PIWIL4: variants seen among roughly 807,000 people sequenced by gnomAD.
The protein encoded by PIWIL4 is piwi like RNA-mediated gene silencing 4, also known as piwi-like protein 4.
Under a neutral mutation model 100.9 loss-of-function variants are expected in PIWIL4, and 50 were observed. The ratio of observed to expected loss-of-function variants is 0.50; its 90% confidence interval spans 0.39 to 0.63. PIWIL4 has a LOEUF of 0.63. Among genes scored for constraint, PIWIL4 ranks in the 20% least tolerant of loss-of-function variants. PIWIL4 has a pLI of 0.00. For synonymous variants in PIWIL4, 342 were observed against 367.5 expected (o/e 0.93, Z 0.79); for missense variants, 887 against 1,043.3 (o/e 0.85, Z 2.06).
chr11:94,598,113 G>A (rs969108790), intron 11 of PIWIL4, among the ~76,000 whole-genome samples, 198 bp downstream of exon 11: 2 of 152,078 alleles, frequency 1.3e-5, no homozygotes, highest in African/African-American at 2.4e-5. Flanking sequence ...GGCACCCAGT[G>A]GACATGATTT....
intron 2 of PIWIL4, among the ~76,000 whole-genome samples, chr11:94,570,166 C>G (rs1163500867): frequency 6.6e-6 from 1 of 152,152 alleles, no homozygotes; most frequent in Non-Finnish European, 1.5e-5. Context: ...ACATGCTACT[C>G]CAAGTCACCA....
At position 94,589,102 on chromosome 11, in the gene PIWIL4, G is replaced by T. The variant is rs769777036; in HGVS notation, c.915-19G>T. On this transcript the variant is annotated intron_variant, in intron 7 of 19. Transcript: ENST00000299001. ...TTAGATGATTAAAAAACAATTTAAA[G>T]ACTTTTTATATTTGGCAGATACAAT... 1.9e-6 allele frequency: 3 copies of T among 1,557,456 alleles called. No individual in the cohort carries two copies. The highest frequency in any genetic ancestry group is 3.4e-5 in the Admixed American group (2 of 59,222).
At position 94,621,310 on chromosome 11, in the gene PIWIL4, TGACA is replaced by T. The variant is rs1267042225; in HGVS notation, c.*321_*324del. Reference sequence around the variant, plus strand: ...AATAAGTGTTTGCGTGATATTTTGATGACAGATAAACAGAGTCTAATTCCCACCC... The same window carrying T: ...AATAAGTGTTTGCGTGATATTTTGATGATAAACAGAGTCTAATTCCCACCC... On this transcript the variant is annotated 3_prime_UTR_variant, in exon 20 of 20. Transcript: ENST00000299001. 1 of 249,186 alleles carries T rather than the reference TGACA, an allele frequency of 4.0e-6. No individual in the cohort carries two copies. Among genetic ancestry groups the T allele is most frequent in the Non-Finnish European group, 7.7e-6 (1 of 129,410 alleles). The allele number at this position is 249,186 out of a possible 1,614,324, so 15.4% of individuals were successfully genotyped here.
intron 16 of PIWIL4, chr11:94,617,712 C>A (rs957954152): frequency 2.3e-6 from 1 of 428,248 alleles, no homozygotes; most frequent in Non-Finnish European, 4.1e-6. Context: ...AAGAGATAGG[C>A]CAAGTTTAAG....
chr11:94,613,158 T>A (rs1247411312), intron 15 of PIWIL4, among the ~76,000 whole-genome samples: 1 of 152,240 alleles, frequency 6.6e-6, no homozygotes, highest in African/African-American at 2.4e-5. Flanking sequence ...CTAATGGTGA[T>A]GAACTTCCTC....
intron 16 of PIWIL4, among the ~76,000 whole-genome samples, chr11:94,617,038 G>A (rs1948855207): frequency 6.6e-6 from 1 of 152,192 alleles, no homozygotes; most frequent in African/African-American, 2.4e-5. Context: ...TAAGGTTTCT[G>A]TTTCTTCACC....
At chr11:94,620,399 T>C (rs1278885307) in intron 19 of PIWIL4, among the ~76,000 whole-genome samples, 4 of 152,236 alleles carry the variant, frequency 2.6e-5, no homozygotes, top group African/African-American at 4.8e-5. Flanking sequence ...ACGACTTTGT[T>C]ATATACATTA....
At chr11:94,606,538 A>C (rs976020166) in intron 13 of PIWIL4, among the ~76,000 whole-genome samples, 1 of 152,216 alleles carries the variant, frequency 6.6e-6, no homozygotes, top group Non-Finnish European at 1.5e-5. Flanking sequence ...TCTGATAAGA[A>C]GTAGGAGTAG....
chr11:94,596,819 A>T (rs1393837578), intron 10 of PIWIL4, among the ~76,000 whole-genome samples: 1 of 152,182 alleles, frequency 6.6e-6, no homozygotes, highest in Non-Finnish European at 1.5e-5. Flanking sequence ...GAAGCAAAAT[A>T]ATTAACTCAA....
At chr11:94,587,982 T>TATGTGCAGG (rs1442568689) in intron 7 of PIWIL4, among the ~76,000 whole-genome samples, 1 of 152,184 alleles carries the variant, frequency 6.6e-6, no homozygotes, top group Admixed American at 6.5e-5. Flanking sequence ...TTTTGGGATA[T>TATGTGCAGG]ATGTGCAGGA....
In PIWIL4 at chr11:94,595,325, A is replaced by G; in HGVS notation, c.1167A>G (p.Ala389=). ...ATTTAATAGGGCTGACTGACCAGGC[A>G]ACATCTGATTTCCAGCTGATGAAGG... The part of the protein sequence containing the change: ...LCFLTGLTDQ[A]TSDFQLMKAV... Residue 389 remains alanine (A), a synonymous_variant, in exon 10 of 20, where the codon GCA becomes GCG. Coordinates refer to ENST00000299001, the MANE Select transcript of PIWIL4 (RefSeq NM_152431.3). 1 of 1,613,848 alleles carries G rather than the reference A, an allele frequency of 6.2e-7. No homozygotes were observed. The highest frequency in any genetic ancestry group is 8.5e-7 in the Non-Finnish European group (1 of 1,179,754).
chr11:94,591,392 A>C (rs988739297), intron 8 of PIWIL4, among the ~76,000 whole-genome samples: 4 of 152,226 alleles, frequency 2.6e-5, no homozygotes, highest in Non-Finnish European at 5.9e-5. Context: ...ACACACGTAG[A>C]AGAGCAAGCT....
Position 94,583,436 on chromosome 11 carries a change from TC to T in PIWIL4, c.514-11del, listed in dbSNP as rs1257205717. On this transcript the variant is annotated splice_polypyrimidine_tract_variant and intron_variant, in intron 4 of 19. Transcript: ENST00000299001. ...ATTTGTAGGGTGCATATTAAGTACC[TC>T]TTTTTCCCAGGTCACAGAGTTGTCA... 1.2e-6 allele frequency: 2 copies of T among 1,613,040 alleles called. No homozygotes were observed. Among genetic ancestry groups the T allele is most frequent in the Admixed American group, 1.7e-5 (1 of 59,992 alleles).
At position 94,598,165 on chromosome 11, in the gene PIWIL4, A is replaced by G. The variant is rs559309536; in HGVS notation, c.1380+250A>G. 7.9e-5 allele frequency among the ~76,000 whole-genome samples: 12 copies of G among 152,330 alleles called. No homozygotes were observed. In the South Asian group the frequency reaches 2.5e-3, roughly 32 times the overall value. On this transcript the variant is annotated intron_variant, in intron 11 of 19. Transcript: ENST00000299001. Reference sequence around the variant, plus strand: ...AGTATTTCAAATCATTGCAATTAAAACATACCTATCTTCTGTTGGGTGGTG... The same window carrying G: ...AGTATTTCAAATCATTGCAATTAAAGCATACCTATCTTCTGTTGGGTGGTG...
At chr11:94,598,035 CT>C in intron 11 of PIWIL4, 120 bp downstream of exon 11, 1 of 701,928 alleles carries the variant, frequency 1.4e-6, no homozygotes, top group Non-Finnish European at 2.4e-6. Context: ...ACTTCCATCT[CT>C]TTATCCTAAG....
At chr11:94,572,237 T>G (rs915127550) in intron 2 of PIWIL4, among the ~76,000 whole-genome samples, 1 of 152,198 alleles carries the variant, frequency 6.6e-6, no homozygotes, top group Non-Finnish European at 1.5e-5. Flanking sequence ...ATTCTGTAGG[T>G]TGCCTGTTCA....
At chr11:94,598,637 G>A (rs1332685506) in intron 11 of PIWIL4, among the ~76,000 whole-genome samples, 1 of 150,542 alleles carries the variant, frequency 6.6e-6, no homozygotes, top group African/African-American at 2.4e-5. Context: ...TAATAAACCA[G>A]TATGTCTAAC....
intron 1 of PIWIL4, among the ~76,000 whole-genome samples, chr11:94,567,965 G>C (rs1948098329): frequency 6.6e-6 from 1 of 151,708 alleles, no homozygotes; most frequent in African/African-American, 2.4e-5. Flanking sequence ...AGTTTTTCTG[G>C]CTAATTAGTA....
intron 8 of PIWIL4, among the ~76,000 whole-genome samples, chr11:94,591,361 T>C (rs964349605): frequency 1.3e-5 from 2 of 152,238 alleles, no homozygotes; most frequent in Admixed American, 1.3e-4. Flanking sequence ...TGTGAAGTCC[T>C]CTCTGACTTT....
Sources: gnomAD v4.1 joint callset for allele counts (sites outside exome capture counted in the v4.1 genomes callset) on GRCh38, gnomAD v4.1.1 for gene constraint, MANE v1.5 for transcripts, NCBI Gene and HGNC (gene_info 2026-07-23, HGNC 2026-07-21) for gene names.